Variants in ZMYND8 observed in about 807,000 individuals in gnomAD.
ZMYND8 encodes the protein zinc finger MYND-type containing 8, also known as MYND-type zinc finger-containing chromatin reader ZMYND8.
In ZMYND8, 37 loss-of-function variants were observed where a neutral mutation model predicts 140.8. The observed-to-expected ratio is 0.26, with a 90% confidence interval of 0.20 to 0.35. The LOEUF is 0.35. ZMYND8 is among the 10% of genes least tolerant of loss of function. The pLI is 1.00. For synonymous variants in ZMYND8, 592 were observed against 597.1 expected (o/e 0.99, Z 0.12); for missense variants, 1,068 against 1,570.0 (o/e 0.68, Z 5.40).
chr20:47,331,653 G>A (rs1017317749), intron 2 of ZMYND8, among the ~76,000 whole-genome samples: 2 of 142,014 alleles, frequency 1.4e-5, no homozygotes, highest in South Asian at 2.1e-4. Flanking sequence ...GCCAGAGAGA[G>A]GAGGAGAAGG....
At chr20:47,345,264 T>C (rs535149538) in intron 2 of ZMYND8, among the ~76,000 whole-genome samples, 3 of 152,012 alleles carry the variant, frequency 2.0e-5, no homozygotes, top group Non-Finnish European at 2.9e-5. Flanking sequence ...CAATGAGAAA[T>C]GGGCAGCCTG....
intron 19 of ZMYND8, among the ~76,000 whole-genome samples, chr20:47,221,792 AAGT>A (rs1219715548): frequency 1.3e-5 from 2 of 152,108 alleles, no homozygotes; most frequent in East Asian, 3.9e-4. Flanking sequence ...TCAGCCCACC[AAGT>A]AGCTGGGACT....
At chr20:47,330,213 G>C (rs2148440757) in intron 2 of ZMYND8, among the ~76,000 whole-genome samples, 1 of 152,152 alleles carries the variant, frequency 6.6e-6, no homozygotes, top group South Asian at 2.1e-4. Context: ...GTCTGTCCAG[G>C]AAAGACAGAT....
intron 2 of ZMYND8, among the ~76,000 whole-genome samples, chr20:47,339,086 C>A (rs1200556643): frequency 6.6e-6 from 1 of 151,392 alleles, no homozygotes; most frequent in East Asian, 1.9e-4. Context: ...CATTTTCCTG[C>A]CTCAACCTCC....
intron 11 of ZMYND8, among the ~76,000 whole-genome samples, 163 bp downstream of exon 11, chr20:47,276,151 G>A (rs1413120397): frequency 6.6e-6 from 1 of 152,184 alleles, no homozygotes; most frequent in Non-Finnish European, 1.5e-5. Context: ...TGGGTTACTA[G>A]CAGCAAGAAC....
At position 47,212,639 on chromosome 20, in the gene ZMYND8, T is replaced by TA. The variant is rs1163337343; in HGVS notation, c.3568+2dup. ...AGCTTTCGTAAGACAGGTTCATACT[T>TA]ACACTTCTGGGCGGGGTAGTTGGGG... On this transcript the variant is annotated splice_region_variant and intron_variant, in intron 22 of 22. Coordinates refer to ENST00000471951, the MANE Select transcript of ZMYND8 (RefSeq NM_001281775.3). 1.2e-6 allele frequency: 2 copies of TA among 1,613,666 alleles called. No homozygotes were observed. Among genetic ancestry groups the TA allele is most frequent in the African/African-American group, 1.3e-5 (1 of 74,888 alleles).
chr20:47,318,937 G>C, intron 2 of ZMYND8: 1 of 1,349,832 alleles, frequency 7.4e-7, no homozygotes, highest in Non-Finnish European at 9.8e-7. Flanking sequence ...GGAACGCCAA[G>C]AGGAGGCACT....
Position 47,246,316 on chromosome 20 carries a change from G to C in ZMYND8, c.1976C>G (p.Thr659Arg). The C allele has an allele frequency of 6.2e-7, 1 of 1,614,114 alleles. No individual in the cohort carries two copies. Among genetic ancestry groups the C allele is most frequent in the Middle Eastern group, 1.7e-4 (1 of 6,060 alleles). The change falls in exon 14 of 23, where the codon ACA becomes AGA. Residue 659 changes from threonine to arginine, a missense_variant. Transcript: ENST00000471951. ...CTCCTCTTTAATCTCCACTGGGTTTGTAGGCTTGGGCTTTTTTTTAACAGC... is the reference window on the plus strand; with the variant it reads ...CTCCTCTTTAATCTCCACTGGGTTTCTAGGCTTGGGCTTTTTTTTAACAGC... ...PSAVKKKPKP[T>R]NPVEIKEELK... is the part of the protein sequence containing the mutation.
In ZMYND8 at chr20:47,303,388, G is replaced by GT. The variant is rs1428419459; in HGVS notation, c.235-4442dup. On this transcript the variant is annotated intron_variant, in intron 3 of 22. Coordinates refer to ENST00000471951, the MANE Select transcript of ZMYND8 (RefSeq NM_001281775.3). ...ATTTTCAGTATCTGACTTCTTTTCA[G>GT]TAAGTTAATAATACAATAGGAAGAG... is the stretch of plus-strand genomic sequence containing the variant. 7.9e-5 allele frequency among the ~76,000 whole-genome samples: 12 copies of GT among 152,156 alleles called. 1 individual carries two copies. The highest frequency in any genetic ancestry group is 7.9e-4 in the Admixed American group (12 of 15,258).
chr20:47,242,885 G>C (rs1266025655), intron 14 of ZMYND8, among the ~76,000 whole-genome samples: 3 of 151,974 alleles, frequency 2.0e-5, no homozygotes, highest in Non-Finnish European at 4.4e-5. Flanking sequence ...ACCTGTAGCG[G>C]GAAAAAAAGG....
chr20:47,304,187 G>A (rs892878986), intron 3 of ZMYND8, among the ~76,000 whole-genome samples: 4 of 152,146 alleles, frequency 2.6e-5, no homozygotes, highest in Non-Finnish European at 4.4e-5. Context: ...GGTTATTAAG[G>A]GATACTGCAG....
At chr20:47,282,628 G>A (rs2147871530) in intron 9 of ZMYND8, among the ~76,000 whole-genome samples, 1 of 152,138 alleles carries the variant, frequency 6.6e-6, no homozygotes, top group South Asian at 2.1e-4. Flanking sequence ...AAGAGGCTGA[G>A]GCAGGAGAAT....
intron 16 of ZMYND8, among the ~76,000 whole-genome samples, chr20:47,235,087 T>C (rs935744850): frequency 6.6e-6 from 1 of 152,232 alleles, no homozygotes; most frequent in Non-Finnish European, 1.5e-5. Context: ...CAGTAAAGAA[T>C]AAATTATTAA....
chr20:47,322,438 CTTTTTTTTTT>C, intron 2 of ZMYND8, among the ~76,000 whole-genome samples: 1 of 120,778 alleles, frequency 8.3e-6, no homozygotes, highest in East Asian at 2.4e-4. Context: ...GATGGCATTT[CTTTTTTTTTT>C]TTTTTTTTTT....
chr20:47,329,728 C>T (rs139832344), intron 2 of ZMYND8, among the ~76,000 whole-genome samples: 2 of 152,078 alleles, frequency 1.3e-5, no homozygotes, highest in Admixed American at 1.3e-4. Flanking sequence ...TAAAGAGCCA[C>T]GTACAGCTAG....
intron 21 of ZMYND8, among the ~76,000 whole-genome samples, 169 bp downstream of exon 21, chr20:47,220,089 A>G (rs1048735740): frequency 6.6e-6 from 1 of 152,138 alleles, no homozygotes; most frequent in African/African-American, 2.4e-5. Context: ...GAAAGTTAAC[A>G]TGCTCAGCTA....
At chr20:47,229,937 T>C (rs776644465) in intron 16 of ZMYND8, 131 bp from the exon 17 acceptor site, 6 of 696,556 alleles carry the variant, frequency 8.6e-6, no homozygotes, top group Middle Eastern at 4.1e-4. Context: ...CATGAGACAC[T>C]GGGCATTTCT....
chr20:47,238,276 G>A (rs2039492551), intron 15 of ZMYND8: 1 of 177,856 alleles, frequency 5.6e-6, no homozygotes, highest in Non-Finnish European at 1.2e-5. Flanking sequence ...AAAAAAGCAA[G>A]TATGGTACCA....
chr20:47,319,953 G>A (rs1016252485), intron 2 of ZMYND8: 1 of 151,884 alleles, frequency 6.6e-6, no homozygotes, highest in Admixed American at 6.6e-5. Flanking sequence ...AAAGAATGTG[G>A]AGAAACCGGT....
Sources: allele counts gnomAD v4.1 joint callset (sites outside exome capture counted in the v4.1 genomes callset), GRCh38; gene constraint gnomAD v4.1.1; transcripts MANE v1.5; gene names NCBI Gene and HGNC (gene_info 2026-07-23, HGNC 2026-07-21).